ECT2L: variants seen among roughly 807,000 people sequenced by gnomAD.
ECT2L encodes epithelial cell-transforming sequence 2 oncogene-like.
Under a neutral mutation model 122.8 loss-of-function variants are expected in ECT2L, and 126 were observed. The ratio of observed to expected loss-of-function variants is 1.03; its 90% CI spans 0.89 to 1.19. The LOEUF (loss-of-function observed/expected upper bound fraction) is 1.19. Ranked by LOEUF, ECT2L falls within the 50% of genes most tolerant of loss-of-function variation. ECT2L has a pLI of 0.00. For missense variants in ECT2L, 1,012 were observed against 1,064.1 expected (o/e 0.95, Z 0.68); for synonymous variants, 385 against 381.8 (o/e 1.01, Z -0.10).
At chr6:138,853,246 G>A (rs1344440482) in intron 9 of ECT2L, among the ~76,000 whole-genome samples, 3 of 152,140 alleles carry the variant, frequency 2.0e-5, no homozygotes, top group Admixed American at 6.5e-5. Flanking sequence ...GATTACAGGC[G>A]TGAGCCACCG....
chr6:138,886,179 C>T (rs1357232672), intron 18 of ECT2L, among the ~76,000 whole-genome samples: 1 of 151,248 alleles, frequency 6.6e-6, no homozygotes, highest in Non-Finnish European at 1.5e-5. Flanking sequence ...CATTAATTAG[C>T]TTTCCTGCCT....
rs1312158848 is a variant in ECT2L at position 138,903,348 on chromosome 6, G to C, written c.*721G>C. On this transcript the variant is annotated 3_prime_UTR_variant, in exon 22 of 22. Coordinates refer to ENST00000541398, the MANE Select transcript of ECT2L (RefSeq NM_001077706.3). The stretch of plus-strand genomic sequence containing the variant: ...GCACTTCAGCCTGGGTGACAAGAGC[G>C]AACCTCTGTCTCAAAAAAAAAAGAA... 6.8e-6 allele frequency: 1 copy of C among 147,694 alleles called. No homozygotes were observed. Among genetic ancestry groups the C allele is most frequent in the East Asian group, 2.0e-4 (1 of 5,046 alleles). 9.1% of individuals were successfully genotyped at this position (147,694 alleles called of 1,614,324 possible).
intron 21 of ECT2L, among the ~76,000 whole-genome samples, chr6:138,901,994 G>A (rs923443887): frequency 6.6e-6 from 1 of 152,076 alleles, no homozygotes; most frequent in Non-Finnish European, 1.5e-5. Context: ...ATCATCACTG[G>A]GTATGGTTAG....
chr6:138,849,524 C>A, intron 9 of ECT2L, 90 bp downstream of exon 9: 3 of 1,334,910 alleles, frequency 2.2e-6, no homozygotes, highest in Non-Finnish European at 3.0e-6. Context: ...TATCTCAGTT[C>A]CAAGTTGCTA....
At chr6:138,879,931 A>C (rs1188860) in intron 14 of ECT2L, among the ~76,000 whole-genome samples, 71,099 of 151,734 alleles carry the variant, frequency 0.47, 17,277 homozygotes, top group African/African-American at 0.59. Flanking sequence ...CCAGCCTGGA[A>C]AAGAGAGTAA....
At chr6:138,799,076 C>CT (rs1240822251) in intron 1 of ECT2L, among the ~76,000 whole-genome samples, 13 of 152,230 alleles carry the variant, frequency 8.5e-5, no homozygotes, top group Admixed American at 5.9e-4. Context: ...ATTCTGGGAG[C>CT]TGCCTGATTC....
chr6:138,896,760 G>T (rs112747158), intron 20 of ECT2L, among the ~76,000 whole-genome samples: 2 of 152,108 alleles, frequency 1.3e-5, no homozygotes, highest in African/African-American at 2.4e-5. Context: ...CGATTCTCCT[G>T]CCTCAGCCTC....
chr6:138,818,727 G>A (rs767907789), intron 4 of ECT2L, among the ~76,000 whole-genome samples: 6 of 152,146 alleles, frequency 3.9e-5, no homozygotes, highest in Non-Finnish European at 8.8e-5. Context: ...GGGCTCAATG[G>A]ATGGAAAATT....
chr6:138,886,906 T>G lies in ECT2L; in HGVS notation c.2309T>G (p.Ile770Ser), dbSNP rs749405773. 1.2e-6 allele frequency: 2 copies of G among 1,613,352 alleles called. No homozygotes were observed. Among genetic ancestry groups the G allele is most frequent in the Non-Finnish European group, 1.7e-6 (2 of 1,179,598 alleles). Residue 770 changes from isoleucine (I) to serine (S), a missense_variant, in exon 19 of 22, where the codon ATC (isoleucine) becomes AGC (serine). Coordinates refer to ENST00000541398, the MANE Select transcript of ECT2L (RefSeq NM_001077706.3). Reference sequence around the variant, plus strand: ...GATCATCTGTCAGATATACAGAGAATCATCTGGGGATGCCCTGTATGTATT... The same window carrying G: ...GATCATCTGTCAGATATACAGAGAAGCATCTGGGGATGCCCTGTATGTATT... ...MKDHLSDIQR[I>S]IWGCPTLSEV... is the part of the protein sequence containing the mutation.
At chr6:138,873,698 G>A (rs1204194376) in intron 13 of ECT2L, among the ~76,000 whole-genome samples, 1 of 152,168 alleles carries the variant, frequency 6.6e-6, no homozygotes, top group Non-Finnish European at 1.5e-5. Flanking sequence ...GGAGTCTGAG[G>A]CAGGAGAATC....
chr6:138,902,351 T>G, intron 21 of ECT2L, 149 bp from the exon 22 acceptor site: 1 of 618,328 alleles, frequency 1.6e-6, no homozygotes, highest in Non-Finnish European at 2.7e-6. Flanking sequence ...TATTCAGTAA[T>G]TTTAGGAAGT....
At chr6:138,851,152 A>G (rs1018488616) in intron 9 of ECT2L, among the ~76,000 whole-genome samples, 1 of 151,724 alleles carries the variant, frequency 6.6e-6, no homozygotes, top group African/African-American at 2.4e-5. Flanking sequence ...CCTTGCCAAC[A>G]CTTATTTTCT....
At chr6:138,827,850 G>A (rs192230918) in intron 4 of ECT2L, among the ~76,000 whole-genome samples, 81 of 152,222 alleles carry the variant, frequency 5.3e-4, no homozygotes, top group African/African-American at 1.9e-3. Flanking sequence ...AAGACACCAC[G>A]CCCAGCCCCC....
At chr6:138,887,552 A>G (rs1055298486) in intron 19 of ECT2L, among the ~76,000 whole-genome samples, 1 of 152,126 alleles carries the variant, frequency 6.6e-6, no homozygotes, top group South Asian at 2.1e-4. Context: ...ATCTCCCTGC[A>G]TATGATACCT....
intron 4 of ECT2L, among the ~76,000 whole-genome samples, chr6:138,831,938 A>G (rs1776661134): frequency 6.6e-6 from 1 of 152,236 alleles, no homozygotes; most frequent in Non-Finnish European, 1.5e-5. Context: ...ATGCATAGAT[A>G]TAAAATTTAC....
At chr6:138,799,954 C>T (rs1433647096) in intron 1 of ECT2L, among the ~76,000 whole-genome samples, 3 of 152,084 alleles carry the variant, frequency 2.0e-5, no homozygotes, top group Non-Finnish European at 4.4e-5. Context: ...TTTCTAGTGC[C>T]GTGTCAGTCA....
Position 138,904,026 on chromosome 6 carries a change from T to C in ECT2L, c.*1399T>C, listed in dbSNP as rs987053835. On this transcript the variant is annotated 3_prime_UTR_variant, in exon 22 of 22. Transcript: ENST00000541398. ...AAGATGAACAAAAGTTAAAATATTA[T>C]GCTGTTTTATTGGTGTAAAACCACA... The C allele has an allele frequency of 3.3e-5, 5 of 152,238 alleles. No homozygotes were observed. The highest frequency in any genetic ancestry group is 9.6e-5 in the African/African-American group (4 of 41,472). 9.4% of individuals were successfully genotyped at this position (152,238 alleles called of 1,614,324 possible).
intron 4 of ECT2L, among the ~76,000 whole-genome samples, chr6:138,819,514 C>A (rs924692893): frequency 6.7e-6 from 1 of 150,164 alleles, no homozygotes; most frequent in Non-Finnish European, 1.5e-5. Context: ...AGAATGATGG[C>A]TCCATGATAG....
At chr6:138,839,485 TC>T in intron 5 of ECT2L, among the ~76,000 whole-genome samples, 1 of 151,908 alleles carries the variant, frequency 6.6e-6, no homozygotes, top group African/African-American at 2.4e-5. Context: ...CACCTCAACC[TC>T]CCAAGTACCT....
Sources: gnomAD v4.1 joint callset for allele counts (sites outside exome capture counted in the v4.1 genomes callset) on GRCh38, gnomAD v4.1.1 for gene constraint, MANE v1.5 for transcripts, NCBI Gene and HGNC (gene_info 2026-07-23, HGNC 2026-07-21) for gene names.